Variants in CD1A observed in about 807,000 individuals in gnomAD.
The protein encoded by CD1A is T-cell surface glycoprotein CD1a.
In CD1A, 50 loss-of-function variants were observed where a neutral mutation model predicts 38.3. The observed-to-expected ratio is 1.30, with a 90% CI of 1.04 to 1.65. The LOEUF is 1.65. Among genes scored for constraint, CD1A ranks in the 40% most tolerant of loss-of-function variants. The pLI, the probability that CD1A is intolerant of heterozygous loss-of-function variation, is 0.00. For missense variants in CD1A, 459 were observed against 406.1 expected (o/e 1.13, Z -1.12); for synonymous variants, 160 against 150.8 (o/e 1.06, Z -0.45).
upstream of CD1A, among the ~76,000 whole-genome samples, chr1:158,250,352 C>A (rs1650054308): frequency 6.6e-6 from 1 of 152,140 alleles, no homozygotes; most frequent in Non-Finnish European, 1.5e-5. Flanking sequence ...GCTCATTTGA[C>A]TTCATTTATA....
At chr1:158,253,917 G>T (rs999262104), upstream of CD1A, among the ~76,000 whole-genome samples, 2 of 151,474 alleles carry the variant, frequency 1.3e-5, no homozygotes, top group African/African-American at 4.9e-5. Context: ...ATTCTTAAGT[G>T]TACCAAGATG....
Position 158,254,817 on chromosome 1 carries a change from G to C in CD1A, c.58+90G>C, listed in dbSNP as rs1056014468. ...TGTGTGTGTGTGTGTGTGTGTGTGT[G>C]TGTGTGTGTGTGTGTGGTTTCCCTA... On this transcript the variant is annotated intron_variant, in intron 1 of 5. Transcript: ENST00000289429. 836 of 870,708 alleles carry C rather than the reference G, an allele frequency of 9.6e-4. 2 individuals carry two copies. Among genetic ancestry groups the C allele is most frequent in the South Asian group, 1.5e-3 (106 of 72,936 alleles). The allele number at this position is 870,708 out of a possible 1,614,324, so 53.9% of individuals were successfully genotyped here. A position where few individuals can be genotyped will look rare whatever the true frequency, so the allele number is the denominator to read the frequency against.
Position 158,255,325 on chromosome 1 carries a change from A to G in CD1A, c.300A>G (p.Arg100=). Reference sequence around the variant, plus strand: ...TTCGGTCATTTGAGGGAATTCGTAGATACGCCCATGAATTGCAGTTTGAAT... The same window carrying G: ...TTCGGTCATTTGAGGGAATTCGTAGGTACGCCCATGAATTGCAGTTTGAAT... The part of the protein sequence containing the change: ...RTIRSFEGIR[R]YAHELQFEYP... The change falls in exon 2 of 6, where the codon AGA becomes AGG. Residue 100 remains arginine, a synonymous_variant. Coordinates refer to ENST00000289429, the MANE Select transcript of CD1A (RefSeq NM_001763.3). 6.2e-7 allele frequency: 1 copy of G among 1,614,082 alleles called. No individual in the cohort carries two copies. Among genetic ancestry groups the G allele is most frequent in the Non-Finnish European group, 8.5e-7 (1 of 1,179,958 alleles).
At position 158,257,968 on chromosome 1, in the gene CD1A, A is replaced by C; in HGVS notation, c.*278A>C. 2.3e-6 allele frequency: 1 copy of C among 437,154 alleles called. No homozygotes were observed. Among genetic ancestry groups the C allele is most frequent in the Non-Finnish European group, 4.1e-6 (1 of 243,040 alleles). The allele number at this position is 437,154 out of a possible 1,614,324, so 27.1% of individuals were successfully genotyped here. The stretch of plus-strand genomic sequence containing the variant: ...GGGTCCTAGCAACCTCCACATGTTC[A>C]ACTATTAATGGATCATCAGGCCTGT... On this transcript the variant is annotated 3_prime_UTR_variant, in exon 6 of 6. Coordinates refer to ENST00000289429, the MANE Select transcript of CD1A (RefSeq NM_001763.3).
At chr1:158,249,668 A>G (rs1650032521), upstream of CD1A, among the ~76,000 whole-genome samples, 1 of 152,142 alleles carries the variant, frequency 6.6e-6, no homozygotes, top group Non-Finnish European at 1.5e-5. Context: ...TTCCTTCTGA[A>G]GTTTCTCTCT....
chr1:158,256,210 C>G lies in CD1A; in HGVS notation c.532C>G (p.Leu178Val), dbSNP rs748019702. ...GCATGAAAATGACATAACACACAAT[C>G]TTCTCAGTGACACCTGCCCACGTTT... The part of the protein sequence containing the change: ...NQHENDITHN[L>V]LSDTCPRFIL... The change falls in exon 3 of 6, where the codon CTT (leucine) becomes GTT (valine). Residue 178 changes from leucine to valine, a missense_variant. By Grantham distance (32) the Leu-to-Val change is conservative. Coordinates refer to ENST00000289429, the MANE Select transcript of CD1A (RefSeq NM_001763.3). The G allele has an allele frequency of 8.7e-6, 14 of 1,614,030 alleles. No homozygotes were observed. Among genetic ancestry groups the G allele is most frequent in the Non-Finnish European group, 1.2e-5 (14 of 1,180,006 alleles).
upstream of CD1A, among the ~76,000 whole-genome samples, chr1:158,251,278 G>A (rs1189004654): frequency 1.3e-5 from 2 of 152,192 alleles, no homozygotes; most frequent in Non-Finnish European, 2.9e-5. Flanking sequence ...TCTTAGTGGT[G>A]GCAGAGTCAG....
upstream of CD1A, among the ~76,000 whole-genome samples, chr1:158,253,713 T>C (rs1334145201): frequency 6.6e-6 from 1 of 152,206 alleles, no homozygotes; most frequent in Non-Finnish European, 1.5e-5. Context: ...AAGTCAAAAT[T>C]CTGGGCTGGC....
At chr1:158,255,925 T>G in intron 2 of CD1A, 79 bp from the exon 3 acceptor site, 1 of 1,413,410 alleles carries the variant, frequency 7.1e-7, no homozygotes, top group Non-Finnish European at 9.7e-7. Flanking sequence ...CACTTCCCCC[T>G]TCTGCTTCTA....
upstream of CD1A, chr1:158,254,031 G>GTTTTTTTTTTTTTTTTTTTTTTT (rs760814976): frequency 9.3e-5 from 5 of 53,618 alleles, 1 homozygote; most frequent in Non-Finnish European, 1.4e-4. Flanking sequence ...TGTTCCTGTG[G>GTTTTTTTTTTTTTTTTTTTTTTT]TTTTTTTTTT....
intron 2 of CD1A, 96 bp downstream of exon 2, chr1:158,255,446 G>A: frequency 7.7e-7 from 1 of 1,291,112 alleles, no homozygotes; most frequent in South Asian, 1.4e-5. Flanking sequence ...ACTCTCTTCT[G>A]TATCTTATTC....
At chr1:158,255,930 C>A in intron 2 of CD1A, 74 bp from the exon 3 acceptor site, 1 of 1,434,924 alleles carries the variant, frequency 7.0e-7, no homozygotes, top group Non-Finnish European at 9.5e-7. Context: ...CCCCCTTCTG[C>A]TTCTATAATC....
chr1:158,257,557 C>G (rs939929640), intron 5 of CD1A, 46 bp downstream of exon 5: 2 of 1,579,340 alleles, frequency 1.3e-6, no homozygotes, highest in Admixed American at 3.3e-5. Flanking sequence ...CTCTACCCCA[C>G]TTTTCTTCCC....
chr1:158,257,905 G>T lies in CD1A; in HGVS notation c.*215G>T. The T allele has an allele frequency of 1.8e-6, 1 of 548,316 alleles. No individual in the cohort carries two copies. Among genetic ancestry groups the T allele is most frequent in the Non-Finnish European group, 3.2e-6 (1 of 308,790 alleles). The allele number at this position is 548,316 out of a possible 1,614,324, so 34.0% of individuals were successfully genotyped here. On this transcript the variant is annotated 3_prime_UTR_variant, in exon 6 of 6. Transcript: ENST00000289429. ...GATTTGTTGTTCTGACCTGGGTTCTGGGACTTTTAAATTCAAATTTTATCT... is the reference window on the plus strand; with the variant it reads ...GATTTGTTGTTCTGACCTGGGTTCTTGGACTTTTAAATTCAAATTTTATCT...
upstream of CD1A, among the ~76,000 whole-genome samples, chr1:158,253,505 G>T (rs376941256): frequency 6.6e-6 from 1 of 152,114 alleles, no homozygotes; most frequent in Admixed American, 6.5e-5. Flanking sequence ...ACTACATAGG[G>T]TTACAAGTAA....
rs537550225 is a variant in CD1A, at chr1:158,255,218, G to T, written c.193G>T (p.Val65Phe). The T allele has an allele frequency of 1.9e-6, 3 of 1,613,988 alleles. No homozygotes were observed. The highest frequency in any genetic ancestry group is 2.5e-6 in the Non-Finnish European group (3 of 1,180,036). Reference protein sequence around the residue: ...HTWDSNSSTIVFLCPWSRGNF... With the variant: ...HTWDSNSSTIFFLCPWSRGNF... The stretch of plus-strand genomic sequence containing the variant: ...CTGGGACAGCAATTCCAGCACCATC[G>T]TTTTCCTGTGCCCCTGGTCCAGGGG... Residue 65 changes from valine to phenylalanine, a missense_variant, in exon 2 of 6, where the codon GTT becomes TTT. By Grantham distance (50) the Val-to-Phe change is conservative. Coordinates refer to ENST00000289429, the MANE Select transcript of CD1A (RefSeq NM_001763.3).
In CD1A at chr1:158,256,269, T is replaced by A; in HGVS notation, c.591T>A (p.His197Gln). Residue 197 changes from histidine (H) to glutamine (Q), a missense_variant, in exon 3 of 6, where the codon CAT (histidine) becomes CAA (glutamine). Physicochemically the swap from His to Gln is conservative, Grantham distance 24 (BLOSUM62 0). Transcript: ENST00000289429. ...GTCTTCTTGATGCAGGAAAGGCACA[T>A]CTCCAGCGGCAAGGTCAGTCCTGCA... ...ILGLLDAGKA[H>Q]LQRQVKPEAW... The A allele has an allele frequency of 6.2e-7, 1 of 1,613,690 alleles. No individual in the cohort carries two copies. The highest frequency in any genetic ancestry group is 8.5e-7 in the Non-Finnish European group (1 of 1,179,970).
chr1:158,257,315 G>T, intron 4 of CD1A, 106 bp from the exon 5 acceptor site: 1 of 995,030 alleles, frequency 1.0e-6, no homozygotes, highest in South Asian at 1.5e-5. Flanking sequence ...TGGTAAGTTG[G>T]ATACTCAAAT....
chr1:158,249,954 A>G (rs1650041363), upstream of CD1A, among the ~76,000 whole-genome samples: 1 of 152,202 alleles, frequency 6.6e-6, no homozygotes, highest in Non-Finnish European at 1.5e-5. Flanking sequence ...CACTGTATGG[A>G]GATGCACTTG....
Sources: allele counts gnomAD v4.1 joint callset (sites outside exome capture counted in the v4.1 genomes callset), GRCh38; gene constraint gnomAD v4.1.1; transcripts MANE v1.5; gene names NCBI Gene and HGNC (gene_info 2026-07-23, HGNC 2026-07-21).